The following PKHD1 variants were observed in gnomAD, a reference collection of about 807,000 sequenced individuals.
The protein encoded by PKHD1 is PKHD1 ciliary IPT domain containing fibrocystin/polyductin.
In PKHD1, 291 loss-of-function variants were observed where a neutral mutation model predicts 412.0. That is an observed-to-expected ratio of 0.71 (90% confidence interval 0.64 to 0.78). PKHD1 has a LOEUF of 0.78. Ranked by LOEUF, PKHD1 falls within the 30% of genes least tolerant of loss-of-function variation. PKHD1 has a pLI of 0.00. For synonymous variants in PKHD1, 1,777 were observed against 1,821.5 expected, an observed-to-expected ratio of 0.98 and a Z score of 0.62; for missense variants, 4,825 against 4,950.7, an observed-to-expected ratio of 0.97 and a Z score of 0.76.
In PKHD1 at chr6:51,791,459, C is replaced by T. The variant is rs939136421; in HGVS notation, c.8303-86G>A. On this transcript the variant is annotated intron_variant, in intron 52 of 66. Transcript: ENST00000371117. ...TGGGGTTCTCCCAGCAGTTTGGGAG[C>T]TGTGTACAGTGTTATCTAAACCAGG... is the stretch of plus-strand genomic sequence containing the variant. 80 of 1,251,098 alleles carry T rather than the reference C, an allele frequency of 6.4e-5. 1 individual carries two copies. Among genetic ancestry groups the T allele is most frequent in the Non-Finnish European group, 8.8e-5 (76 of 862,508 alleles). The allele number at this position is 1,251,098 out of a possible 1,614,324, so 77.5% of individuals were successfully genotyped here.
In PKHD1 at chr6:51,616,866, CTCTT is replaced by C. The variant is rs1381470723; in HGVS notation, c.*2211_*2214del. The C allele has an allele frequency of 2.6e-6, 1 of 391,236 alleles. No individual in the cohort carries two copies. The highest frequency in any genetic ancestry group is 4.5e-6 in the Non-Finnish European group (1 of 221,744). 24.2% of individuals were successfully genotyped at this position (391,236 alleles called of 1,614,324 possible). Reference sequence around the variant, plus strand: ...CAGAAATAACAGAGCTGGCAGCTAACTCTTTGTGAAGGGCGAAATAGAATGAAGA... The same window carrying C: ...CAGAAATAACAGAGCTGGCAGCTAACTGTGAAGGGCGAAATAGAATGAAGA... On this transcript the variant is annotated 3_prime_UTR_variant, in exon 67 of 67. Transcript: ENST00000371117.
At chr6:52,016,851 G>C (rs1313738818) in intron 34 of PKHD1, among the ~76,000 whole-genome samples, 1 of 152,076 alleles carries the variant, frequency 6.6e-6, no homozygotes. Context: ...TAGAAAAGGG[G>C]GGTTAACTTG....
chr6:51,714,369 CAA>C lies in PKHD1; in HGVS notation c.10156+30014_10156+30015del, dbSNP rs11288874. On this transcript the variant is annotated intron_variant, in intron 60 of 66. Transcript: ENST00000371117. ...TGGGTGACAGAGTGAGACTCCATTT[CAA>C]AAAAAAAAAATTGTCTACAGATGAT... Among the ~76,000 whole-genome samples, 90 of 149,816 alleles carry C rather than the reference CAA, an allele frequency of 6.0e-4. No individual in the cohort carries two copies. The East Asian group carries it at 0.013, about 21-fold the overall frequency.
chr6:52,066,756 C>T lies in PKHD1; in HGVS notation c.779-679G>A, dbSNP rs908679301. 1.1e-4 allele frequency among the ~76,000 whole-genome samples: 17 copies of T among 152,086 alleles called. 1 individual carries two copies. Among genetic ancestry groups the T allele is most frequent in the African/African-American group, 2.7e-4 (11 of 41,492 alleles). On this transcript the variant is annotated intron_variant, in intron 11 of 66. Transcript: ENST00000371117. ...CTCTTCTAAAAATACAAAAATTAGC[C>T]GGGTTCCGTGGTGTGCACCTGTAAT...
At chr6:51,708,084 T>G (rs1780223039) in intron 60 of PKHD1, among the ~76,000 whole-genome samples, 1 of 152,200 alleles carries the variant, frequency 6.6e-6, no homozygotes, top group South Asian at 2.1e-4. Context: ...GCATCACCAC[T>G]TGGATGACTA....
Position 51,994,138 on chromosome 6 carries a change from CT to C in PKHD1, c.5751+16170del, listed in dbSNP as rs34571890. On this transcript the variant is annotated intron_variant, in intron 35 of 66. Transcript: ENST00000371117. ...TCACTACAGAACACTTTTTTTCTTT[CT>C]TTTTTTTTTTTTTGAGACACAGTCT... Among the ~76,000 whole-genome samples, 263 of 143,852 alleles carry C rather than the reference CT, an allele frequency of 1.8e-3. 1 individual carries two copies. Among genetic ancestry groups the C allele is most frequent in the Non-Finnish European group, 2.3e-3 (151 of 65,988 alleles). The allele number at this position is 143,852 out of a possible 152,430, so 94.4% of individuals were successfully genotyped here. A position where few individuals can be genotyped will look rare whatever the true frequency, so the allele number is the denominator to read the frequency against.
chr6:52,027,737 C>A, intron 31 of PKHD1, 92 bp downstream of exon 31: 1 of 934,742 alleles, frequency 1.1e-6, no homozygotes, highest in East Asian at 2.5e-5. Flanking sequence ...CTCTCTCTGA[C>A]CTCACTGGCA....
intron 43 of PKHD1, among the ~76,000 whole-genome samples, chr6:51,895,557 G>A (rs1051342732): frequency 4.4e-4 from 67 of 151,926 alleles, no homozygotes; most frequent in Admixed American, 3.7e-3. Flanking sequence ...ACCTTCATTC[G>A]TTATATTAAA....
At chr6:51,741,626 C>T (rs1032153595) in intron 60 of PKHD1, among the ~76,000 whole-genome samples, 4 of 152,134 alleles carry the variant, frequency 2.6e-5, no homozygotes, top group Admixed American at 6.6e-5. Flanking sequence ...CATGGTCTCC[C>T]GCAGTTCCCT....
At chr6:51,983,141 T>C (rs980792639) in intron 35 of PKHD1, among the ~76,000 whole-genome samples, 1 of 152,212 alleles carries the variant, frequency 6.6e-6, no homozygotes, top group African/African-American at 2.4e-5. Flanking sequence ...TGTCAGAGAA[T>C]TTAACACAGC....
chr6:51,767,489 C>T (rs961135886), intron 55 of PKHD1, among the ~76,000 whole-genome samples: 1 of 152,094 alleles, frequency 6.6e-6, no homozygotes, highest in Non-Finnish European at 1.5e-5. Context: ...ACAACAGTCC[C>T]CAGAGTGTGA....
intron 56 of PKHD1, 103 bp downstream of exon 56, chr6:51,754,681 C>T (rs1481735408): frequency 3.6e-5 from 34 of 935,466 alleles, no homozygotes; most frequent in Non-Finnish European, 5.5e-5. Flanking sequence ...AGGCATTGTT[C>T]TTCCCCTCTG....
At chr6:51,821,289 T>C (rs1195509196) in intron 52 of PKHD1, among the ~76,000 whole-genome samples, 4 of 152,160 alleles carry the variant, frequency 2.6e-5, no homozygotes, top group Non-Finnish European at 5.9e-5. Context: ...TAATGGTGAT[T>C]TCTTAGTAGG....
intron 43 of PKHD1, among the ~76,000 whole-genome samples, chr6:51,888,567 G>A (rs922750798): frequency 6.6e-6 from 1 of 151,696 alleles, no homozygotes; most frequent in African/African-American, 2.4e-5. Context: ...CCAAATTCCT[G>A]TGAAGTAGCC....
chr6:51,748,726 C>T (rs919990669), intron 57 of PKHD1, 61 bp from the exon 58 acceptor site: 7 of 1,411,492 alleles, frequency 5.0e-6, no homozygotes, highest in Non-Finnish European at 5.0e-6. Flanking sequence ...TGAAGAATGG[C>T]CCATTTTGGG....
intron 64 of PKHD1, among the ~76,000 whole-genome samples, chr6:51,636,677 T>C (rs1768617954): frequency 6.6e-6 from 1 of 152,188 alleles, no homozygotes; most frequent in Admixed American, 6.6e-5. Flanking sequence ...GAAATTTCAT[T>C]GTTTGGCGAA....
chr6:52,082,347 A>G, intron 4 of PKHD1, 45 bp downstream of exon 4: 1 of 1,601,648 alleles, frequency 6.2e-7, no homozygotes, highest in Non-Finnish European at 8.6e-7. Context: ...AGATAAGCAA[A>G]AATCCCTCAT....
intron 60 of PKHD1, among the ~76,000 whole-genome samples, chr6:51,681,378 T>C (rs1057368828): frequency 6.6e-6 from 1 of 152,052 alleles, no homozygotes; most frequent in South Asian, 2.1e-4. Flanking sequence ...AATGTCATGT[T>C]TGGTTGACCA....
intron 6 of PKHD1, among the ~76,000 whole-genome samples, chr6:52,075,325 G>A (rs990698818): frequency 1.3e-5 from 2 of 152,180 alleles, no homozygotes; most frequent in African/African-American, 4.8e-5. Context: ...TGCTTGAGCA[G>A]TTGAGCCAAT....
Sources: gnomAD v4.1 joint callset for allele counts (sites outside exome capture counted in the v4.1 genomes callset) on GRCh38, gnomAD v4.1.1 for gene constraint, MANE v1.5 for transcripts, NCBI Gene and HGNC (gene_info 2026-07-23, HGNC 2026-07-21) for gene names.